GOLPH3: variants seen among roughly 807,000 people sequenced by gnomAD.
GOLPH3 encodes golgi phosphoprotein 3, also known as coat protein GPP34.
In GOLPH3, 14 loss-of-function variants were observed where a neutral mutation model predicts 28.5. The ratio of observed to expected loss-of-function variants is 0.49; its 90% CI spans 0.32 to 0.77. GOLPH3 has a LOEUF of 0.77. Among genes scored for constraint, GOLPH3 ranks in the 30% least tolerant of loss-of-function variants. The probability of loss-of-function intolerance (pLI) is 0.03; values close to 1 mark genes in which losing one functional copy is unlikely to be tolerated. For synonymous variants in GOLPH3, 158 were observed against 159.2 expected (o/e 0.99, Z 0.06); for missense variants, 350 against 393.7 (o/e 0.89, Z 0.94).
intron 2 of GOLPH3, among the ~76,000 whole-genome samples, chr5:32,140,644 A>G (rs2111851258): frequency 6.6e-6 from 1 of 150,936 alleles, no homozygotes; most frequent in Non-Finnish European, 1.5e-5. Context: ...AGCCTGGGTG[A>G]TAGAGTGACA....
Position 32,135,810 on chromosome 5 carries a change from G to A in GOLPH3, c.358-124C>T, listed in dbSNP as rs6897311. ...GCTTAAAGCCTCAAGCTTTCATGTA[G>A]TATCAAAGTTCAGATTTTAAATTAC... On this transcript the variant is annotated intron_variant, in intron 2 of 3. Transcript: ENST00000265070. 3.3e-3 allele frequency: 2,025 copies of A among 619,196 alleles called. 34 individuals are homozygous for A. In the African/African-American group the frequency reaches 0.035, roughly 11 times the overall value. The allele number at this position is 619,196 out of a possible 1,614,324, so 38.4% of individuals were successfully genotyped here.
chr5:32,138,638 G>A (rs1745991122), intron 2 of GOLPH3, among the ~76,000 whole-genome samples: 1 of 152,146 alleles, frequency 6.6e-6, no homozygotes, highest in Admixed American at 6.5e-5. Context: ...CATGTAATAA[G>A]TATTTTTAAA....
intron 1 of GOLPH3, among the ~76,000 whole-genome samples, chr5:32,172,729 G>C (rs922970812): frequency 2.7e-5 from 4 of 150,520 alleles, no homozygotes; most frequent in Admixed American, 2.6e-4. Context: ...AAAATTAGCC[G>C]GGCATGGTGG....
At chr5:32,157,334 C>T (rs1222306965) in intron 1 of GOLPH3, among the ~76,000 whole-genome samples, 3 of 152,196 alleles carry the variant, frequency 2.0e-5, no homozygotes, top group Non-Finnish European at 2.9e-5. Context: ...CCACCCAGCA[C>T]AATAAGTTAC....
chr5:32,142,199 G>A (rs1270460796), intron 2 of GOLPH3, among the ~76,000 whole-genome samples: 1 of 151,222 alleles, frequency 6.6e-6, no homozygotes, highest in Non-Finnish European at 1.5e-5. Flanking sequence ...GGGAAGTGAG[G>A]AGCGTCTCTG....
At position 32,126,473 on chromosome 5, in the gene GOLPH3, G is replaced by A. The variant is rs1745683663; in HGVS notation, c.636C>T (p.Arg212=). Residue 212 remains arginine, a synonymous_variant, in exon 4 of 4, where the codon CGC becomes CGT. Transcript: ENST00000265070. Reference sequence around the variant, plus strand: ...CGGCTTCCTGTACTTTCTTGATGAGGCGCTGCTTAATGTTGTTATTGGTGA... The same window carrying A: ...CGGCTTCCTGTACTTTCTTGATGAGACGCTGCTTAATGTTGTTATTGGTGA... ...HPLTNNNIKQ[R]LIKKVQEAVL... 2.5e-6 allele frequency: 4 copies of A among 1,614,008 alleles called. No individual in the cohort carries two copies. The highest frequency in any genetic ancestry group is 2.5e-6 in the Non-Finnish European group (3 of 1,180,042).
At chr5:32,170,825 C>G (rs1276338962) in intron 1 of GOLPH3, among the ~76,000 whole-genome samples, 1 of 151,920 alleles carries the variant, frequency 6.6e-6, no homozygotes, top group Non-Finnish European at 1.5e-5. Flanking sequence ...AGGCTAATCC[C>G]TAAAACCAAA....
At chr5:32,149,788 C>T (rs529164479) in intron 1 of GOLPH3, among the ~76,000 whole-genome samples, 2 of 152,022 alleles carry the variant, frequency 1.3e-5, no homozygotes, top group Non-Finnish European at 2.9e-5. Context: ...CCTGAGGTCA[C>T]GAGTTCAAGA....
intron 1 of GOLPH3, among the ~76,000 whole-genome samples, chr5:32,153,455 C>G (rs981973072): frequency 8.0e-5 from 12 of 150,672 alleles, no homozygotes; most frequent in Admixed American, 1.3e-4. Context: ...TGAAAACAAC[C>G]GTATACTACT....
chr5:32,157,885 A>G (rs1404721264), intron 1 of GOLPH3, among the ~76,000 whole-genome samples: 1 of 151,708 alleles, frequency 6.6e-6, no homozygotes, highest in Non-Finnish European at 1.5e-5. Flanking sequence ...GCTAAGGCAG[A>G]AGAATCGCTT....
At chr5:32,149,889 C>T (rs1746267762) in intron 1 of GOLPH3, among the ~76,000 whole-genome samples, 1 of 151,566 alleles carries the variant, frequency 6.6e-6, no homozygotes, top group Non-Finnish European at 1.5e-5. Context: ...AGCAGCTACT[C>T]GGGAGGCTGA....
chr5:32,162,670 T>C (rs1208844783), intron 1 of GOLPH3, among the ~76,000 whole-genome samples: 1 of 152,214 alleles, frequency 6.6e-6, no homozygotes, highest in Admixed American at 6.5e-5. Flanking sequence ...AACTTACTTC[T>C]CTAGGCTAGG....
intron 1 of GOLPH3, among the ~76,000 whole-genome samples, chr5:32,170,983 G>C (rs994353096): frequency 2.6e-5 from 4 of 151,972 alleles, no homozygotes; most frequent in African/African-American, 9.7e-5. Context: ...CTGGACCTTA[G>C]CCATGACTAG....
chr5:32,166,393 T>C (rs1353612085), intron 1 of GOLPH3, among the ~76,000 whole-genome samples: 2 of 152,212 alleles, frequency 1.3e-5, no homozygotes, highest in Non-Finnish European at 2.9e-5. Flanking sequence ...TACATTGTAA[T>C]ACTGTACAAT....
At chr5:32,146,404 G>A (rs776253975) in intron 1 of GOLPH3, among the ~76,000 whole-genome samples, 23 of 152,100 alleles carry the variant, frequency 1.5e-4, no homozygotes, top group Non-Finnish European at 3.4e-4. Context: ...GATGGGAGAG[G>A]ACAGAGACAC....
rs551742110 is a variant in GOLPH3 at position 32,125,647 on chromosome 5, A to G, written c.*565T>C. 1.2e-4 allele frequency: 19 copies of G among 152,962 alleles called. No homozygotes were observed. Among genetic ancestry groups the G allele is most frequent in the African/African-American group, 4.3e-4 (18 of 41,604 alleles). 9.5% of individuals were successfully genotyped at this position (152,962 alleles called of 1,614,324 possible). A position where few individuals can be genotyped will look rare whatever the true frequency, so the allele number is the denominator to read the frequency against. On this transcript the variant is annotated 3_prime_UTR_variant, in exon 4 of 4. Coordinates refer to ENST00000265070, the MANE Select transcript of GOLPH3 (RefSeq NM_022130.4). ...TTAAAATTATAACAAGTGTAATAAT[A>G]CAATAGATTTACATGGGAAGCAAAA...
chr5:32,150,146 A>G (rs1474522423), intron 1 of GOLPH3, among the ~76,000 whole-genome samples: 6 of 152,140 alleles, frequency 3.9e-5, no homozygotes, highest in Non-Finnish European at 8.8e-5. Flanking sequence ...AACAAAATAC[A>G]CATGTTAAAA....
chr5:32,141,600 C>CCCACGGTCTCCCTCCTCTCCCTCTCTTT (rs1318196297), intron 2 of GOLPH3, among the ~76,000 whole-genome samples: 2 of 149,314 alleles, frequency 1.3e-5, no homozygotes, highest in African/African-American at 4.9e-5. Flanking sequence ...TCTCCCTCTC[C>CCCACGGTCTCCCTCCTCTCCCTCTCTTT]CCACGGTCTC....
At chr5:32,149,999 A>G (rs1746269656) in intron 1 of GOLPH3, among the ~76,000 whole-genome samples, 2 of 152,070 alleles carry the variant, frequency 1.3e-5, no homozygotes, top group Admixed American at 6.6e-5. Flanking sequence ...AAAAAAAAAA[A>G]GTAGTAAAAC....
Sources: gnomAD v4.1 joint callset for allele counts (sites outside exome capture counted in the v4.1 genomes callset) on GRCh38, gnomAD v4.1.1 for gene constraint, MANE v1.5 for transcripts, NCBI Gene and HGNC (gene_info 2026-07-23, HGNC 2026-07-21) for gene names.